KCNIP4: variants seen among roughly 807,000 people sequenced by gnomAD.
KCNIP4 encodes potassium voltage-gated channel interacting protein 4, also known as Kv channel-interacting protein 4.
In KCNIP4, 12 loss-of-function variants were observed where a neutral mutation model predicts 34.0. The ratio of observed to expected loss-of-function variants is 0.35; its 90% CI spans 0.23 to 0.57. The LOEUF (loss-of-function observed/expected upper bound fraction) is 0.57, where lower values mean the gene tolerates loss of function less well. KCNIP4 is among the 20% of genes least tolerant of loss of function. The probability of loss-of-function intolerance (pLI) is 0.83; values close to 1 mark genes in which losing one functional copy is unlikely to be tolerated. For missense variants in KCNIP4, 238 were observed against 311.7 expected, an observed-to-expected ratio of 0.76 and a Z score of 1.78; for synonymous variants, 124 against 102.2, an observed-to-expected ratio of 1.21 and a Z score of -1.29.
chr4:21,675,499 A>T (rs1749821826), intron 1 of KCNIP4, among the ~76,000 whole-genome samples: 1 of 152,210 alleles, frequency 6.6e-6, no homozygotes, highest in South Asian at 2.1e-4. Flanking sequence ...TGGACACCCC[A>T]TTCTCCATGA....
At chr4:21,467,089 C>A (rs1168987957) in intron 1 of KCNIP4, among the ~76,000 whole-genome samples, 1 of 142,958 alleles carries the variant, frequency 7.0e-6, no homozygotes, top group Non-Finnish European at 1.5e-5. Flanking sequence ...CACACACACA[C>A]ACACACACAC....
intron 1 of KCNIP4, among the ~76,000 whole-genome samples, chr4:21,440,040 C>T (rs981140492): frequency 6.6e-6 from 1 of 152,190 alleles, no homozygotes; most frequent in Non-Finnish European, 1.5e-5. Flanking sequence ...TTTAAAAACC[C>T]AGTGAACTTG....
rs540632087 is a variant in KCNIP4 at position 21,739,558 on chromosome 4, T to C, written c.61+209013A>G. On this transcript the variant is annotated intron_variant, in intron 1 of 8. Transcript: ENST00000382152. ...ATGAAAACTTATATTGAAAATTTTC[T>C]TACTAAAGATACATGACAGTTTCTA... Among the ~76,000 whole-genome samples the C allele has an allele frequency of 2.6e-5, 4 of 152,168 alleles. No homozygotes were observed. The East Asian group carries it at 7.7e-4, about 29-fold the overall frequency.
intron 1 of KCNIP4, among the ~76,000 whole-genome samples, chr4:21,687,980 C>T (rs28503364): frequency 2.0e-5 from 3 of 152,060 alleles, no homozygotes; most frequent in African/African-American, 7.3e-5. Flanking sequence ...AGGTTTGGTA[C>T]TTTGGGCTTG....
intron 1 of KCNIP4, among the ~76,000 whole-genome samples, chr4:21,054,214 A>G (rs1442885928): frequency 1.3e-5 from 2 of 152,120 alleles, no homozygotes; most frequent in African/African-American, 2.4e-5. Context: ...AAGATTTACT[A>G]TAATTAAGAC....
At chr4:21,804,022 G>C (rs1425215572) in intron 1 of KCNIP4, among the ~76,000 whole-genome samples, 1 of 152,176 alleles carries the variant, frequency 6.6e-6, no homozygotes, top group Non-Finnish European at 1.5e-5. Context: ...TCTCAGTAGA[G>C]GTTATTAAGA....
At chr4:21,258,742 T>G (rs542067556) in intron 1 of KCNIP4, among the ~76,000 whole-genome samples, 1 of 152,242 alleles carries the variant, frequency 6.6e-6, no homozygotes, top group South Asian at 2.1e-4. Flanking sequence ...CTCTCTTTAT[T>G]TTAAAACTTA....
chr4:21,916,854 C>T (rs111871545), intron 1 of KCNIP4, among the ~76,000 whole-genome samples: 9 of 152,174 alleles, frequency 5.9e-5, no homozygotes, highest in African/African-American at 2.2e-4. Context: ...AAAGCTTCTC[C>T]CTCTGTTTCA....
Position 21,020,914 on chromosome 4 carries a change from C to T in KCNIP4, c.62-138205G>A, listed in dbSNP as rs78088939. ...ATTTGAGTAGGTCAAGAATGAGAAT[C>T]TCTACAGAAACTTGCTAAGACTTTT... On this transcript the variant is annotated intron_variant, in intron 1 of 8. Coordinates refer to ENST00000382152, the MANE Select transcript of KCNIP4 (RefSeq NM_025221.6). Among the ~76,000 whole-genome samples the T allele has an allele frequency of 1.5e-3, 233 of 152,260 alleles. 4 individuals are homozygous for T. Among genetic ancestry groups the T allele is most frequent in the African/African-American group, 5.4e-3 (224 of 41,564 alleles).
chr4:21,037,015 TA>T (rs1741508511), intron 1 of KCNIP4, among the ~76,000 whole-genome samples: 1 of 151,194 alleles, frequency 6.6e-6, no homozygotes, highest in South Asian at 2.1e-4. Flanking sequence ...TCTTTAAAAG[TA>T]AAAATAAAGA....
At chr4:21,241,405 TGAA>T (rs1013788378) in intron 1 of KCNIP4, among the ~76,000 whole-genome samples, 10 of 152,282 alleles carry the variant, frequency 6.6e-5, no homozygotes, top group Admixed American at 3.3e-4. Context: ...GAACACTTCT[TGAA>T]GAGGAAATGG....
chr4:20,752,839 A>G (rs1039982260), intron 4 of KCNIP4: 1 of 152,234 alleles, frequency 6.6e-6, no homozygotes, highest in Admixed American at 6.5e-5. Flanking sequence ...AAAAGCATCT[A>G]TGGTTCTGGT....
intron 1 of KCNIP4, among the ~76,000 whole-genome samples, chr4:21,764,812 C>G: frequency 6.6e-6 from 1 of 152,084 alleles, no homozygotes; most frequent in East Asian, 1.9e-4. Flanking sequence ...GGGAAGTCCT[C>G]AGGCCTCCTC....
chr4:21,593,104 T>TGC (rs1742345341), intron 1 of KCNIP4, among the ~76,000 whole-genome samples: 1 of 35,528 alleles, frequency 2.8e-5, no homozygotes, highest in Non-Finnish European at 5.1e-5. Flanking sequence ...ATTTAAATAA[T>TGC]GTGTGTGTGT....
At chr4:21,758,295 CT>C (rs1221201587) in intron 1 of KCNIP4, among the ~76,000 whole-genome samples, 35 of 152,234 alleles carry the variant, frequency 2.3e-4, no homozygotes, top group African/African-American at 8.4e-4. Context: ...TGTCAATGCT[CT>C]GAAGACAATA....
At chr4:21,509,570 T>C (rs1734129982) in intron 1 of KCNIP4, among the ~76,000 whole-genome samples, 1 of 152,136 alleles carries the variant, frequency 6.6e-6, no homozygotes, top group East Asian at 1.9e-4. Context: ...CCTGATACCA[T>C]TAATATACCC....
At chr4:20,942,931 C>T (rs1731791640) in intron 1 of KCNIP4, among the ~76,000 whole-genome samples, 1 of 152,166 alleles carries the variant, frequency 6.6e-6, no homozygotes, top group Non-Finnish European at 1.5e-5. Context: ...CTCGGCCTCT[C>T]AAAGTGCTGG....
intron 1 of KCNIP4, among the ~76,000 whole-genome samples, chr4:21,725,807 G>T (rs901916755): frequency 2.0e-5 from 3 of 152,024 alleles, no homozygotes; most frequent in African/African-American, 7.2e-5. Context: ...TACAAGAAAA[G>T]CACCTGGCAC....
chr4:21,260,642 C>A (rs1422815884), intron 1 of KCNIP4, among the ~76,000 whole-genome samples: 1 of 152,124 alleles, frequency 6.6e-6, no homozygotes, highest in Non-Finnish European at 1.5e-5. Flanking sequence ...GTTCTGATGT[C>A]CATAGTAGAC....
Sources: gnomAD v4.1 joint callset for allele counts (sites outside exome capture counted in the v4.1 genomes callset) on GRCh38, gnomAD v4.1.1 for gene constraint, MANE v1.5 for transcripts, NCBI Gene and HGNC (gene_info 2026-07-23, HGNC 2026-07-21) for gene names.